The following SEC14L1 variants were observed in gnomAD, a reference collection of about 807,000 sequenced individuals.
SEC14L1 encodes the protein SEC14-like protein 1.
A neutral mutation model predicts 85.3 loss-of-function variants in SEC14L1; 48 were observed. The observed-to-expected ratio is 0.56, with a 90% CI of 0.45 to 0.72. The LOEUF is 0.72. SEC14L1 is among the 30% of genes least tolerant of loss of function. SEC14L1 has a pLI of 0.00. For missense variants in SEC14L1, 682 were observed against 921.4 expected, an observed-to-expected ratio of 0.74 and a Z score of 3.36; for synonymous variants, 391 against 355.5, an observed-to-expected ratio of 1.10 and a Z score of -1.12.
chr17:77,137,163 C>A (rs1972824471), upstream of SEC14L1, among the ~76,000 whole-genome samples: 2 of 152,162 alleles, frequency 1.3e-5, no homozygotes, highest in African/African-American at 4.8e-5. Flanking sequence ...CCTGCCTTGG[C>A]CTCCCAAAGT....
At chr17:77,126,983 A>G (rs1035213492) in intron 3 of SEC14L1, among the ~76,000 whole-genome samples, 1 of 149,194 alleles carries the variant, frequency 6.7e-6, no homozygotes, top group African/African-American at 2.5e-5. Context: ...CTTTTTTTTA[A>G]TTTTTATTTA....
At chr17:77,096,055 CTT>C (rs58863646) in intron 3 of SEC14L1, among the ~76,000 whole-genome samples, 41 of 124,182 alleles carry the variant, frequency 3.3e-4, no homozygotes, top group Admixed American at 5.1e-4. Context: ...TGCAGTCAGT[CTT>C]TTTTTTTTTT....
chr17:77,191,749 G>T (rs1191576552), intron 5 of SEC14L1, among the ~76,000 whole-genome samples: 1 of 151,284 alleles, frequency 6.6e-6, no homozygotes, highest in Non-Finnish European at 1.5e-5. Flanking sequence ...CACCGTGTTG[G>T]CCTGGCTGGT....
chr17:77,103,365 G>A (rs868727362), intron 3 of SEC14L1, among the ~76,000 whole-genome samples: 1 of 151,808 alleles, frequency 6.6e-6, no homozygotes, highest in African/African-American at 2.4e-5. Context: ...CACCTGCCTC[G>A]GCCTCCCAAA....
intron 9 of SEC14L1, 42 bp downstream of exon 9, chr17:77,200,715 A>G (rs1432283811): frequency 6.3e-7 from 1 of 1,575,192 alleles, no homozygotes; most frequent in Admixed American, 1.8e-5. Flanking sequence ...CGTTGTCTTG[A>G]TGTGTGGTTG....
At chr17:77,131,590 C>T (rs1972613169) in intron 3 of SEC14L1, among the ~76,000 whole-genome samples, 1 of 152,152 alleles carries the variant, frequency 6.6e-6, no homozygotes, top group South Asian at 2.1e-4. Context: ...TTTCTATACC[C>T]CAGTGCTCAC....
chr17:77,121,483 C>T (rs1252836052), intron 3 of SEC14L1, among the ~76,000 whole-genome samples: 10 of 152,164 alleles, frequency 6.6e-5, no homozygotes, highest in Admixed American at 6.5e-4. Flanking sequence ...CTCAGCCTCC[C>T]AAGTAGCTGG....
At chr17:77,133,085 C>T (rs1302165280) in intron 3 of SEC14L1, among the ~76,000 whole-genome samples, 1 of 152,186 alleles carries the variant, frequency 6.6e-6, no homozygotes. Context: ...GTTCTCCAGG[C>T]TGTTCTGGAA....
chr17:77,193,045 G>A (rs960542620), intron 5 of SEC14L1, among the ~76,000 whole-genome samples: 1 of 152,150 alleles, frequency 6.6e-6, no homozygotes, highest in Admixed American at 6.5e-5. Context: ...TGCATACTGT[G>A]TTTCTGGCTG....
At chr17:77,145,440 G>A (rs185930447) in intron 3 of SEC14L1, among the ~76,000 whole-genome samples, 30 of 152,236 alleles carry the variant, frequency 2.0e-4, no homozygotes, top group Non-Finnish European at 4.1e-4. Context: ...TCCCTTTCAG[G>A]TGTGAGGTTT....
chr17:77,097,573 A>AT (rs1971675680), intron 3 of SEC14L1, among the ~76,000 whole-genome samples: 1 of 145,966 alleles, frequency 6.9e-6, no homozygotes, highest in Non-Finnish European at 1.5e-5. Flanking sequence ...AAGAAAAAAA[A>AT]TTTAAAAAAA....
chr17:77,132,885 C>CA (rs1972656840), intron 3 of SEC14L1, among the ~76,000 whole-genome samples: 1 of 148,132 alleles, frequency 6.8e-6, no homozygotes, highest in Non-Finnish European at 1.5e-5. Context: ...TTTTTTGAGA[C>CA]AGAGTCTCAC....
At chr17:77,092,943 C>T (rs1745804129) in intron 2 of SEC14L1, among the ~76,000 whole-genome samples, 1 of 112,184 alleles carries the variant, frequency 8.9e-6, no homozygotes, top group Non-Finnish European at 1.8e-5. Context: ...AAGAGTGAAA[C>T]TCCGTCTCAA....
intron 3 of SEC14L1, among the ~76,000 whole-genome samples, chr17:77,189,529 A>G (rs759787018): frequency 2.0e-5 from 3 of 152,080 alleles, no homozygotes; most frequent in Non-Finnish European, 4.4e-5. Context: ...AGTTTTAAGA[A>G]TTTTTTATGT....
In SEC14L1 at chr17:77,216,492, A is replaced by G; in HGVS notation, c.*2469A>G. The G allele has an allele frequency of 3.1e-6, 5 of 1,612,684 alleles. No homozygotes were observed. Among genetic ancestry groups the G allele is most frequent in the Non-Finnish European group, 4.2e-6 (5 of 1,179,122 alleles). On this transcript the variant is annotated 3_prime_UTR_variant, in exon 17 of 17. Transcript: ENST00000436233. ...TTCCACCTGGTGCTTCCTGTTCCCA[A>G]ATCACAAGGGCCTGAAGGTGGTCCC...
intron 3 of SEC14L1, among the ~76,000 whole-genome samples, chr17:77,147,601 G>A (rs144025299): frequency 6.6e-6 from 1 of 152,174 alleles, no homozygotes; most frequent in East Asian, 1.9e-4. Context: ...TACACAGGTA[G>A]TGCCGAGATC....
intron 3 of SEC14L1, among the ~76,000 whole-genome samples, chr17:77,150,679 G>A (rs570714139): frequency 6.6e-6 from 1 of 152,298 alleles, no homozygotes; most frequent in East Asian, 1.9e-4. Flanking sequence ...ACGGGCAGCT[G>A]TGCCCATGTT....
intron 3 of SEC14L1, among the ~76,000 whole-genome samples, chr17:77,125,252 C>T (rs1306896235): frequency 6.6e-6 from 1 of 152,062 alleles, no homozygotes; most frequent in Non-Finnish European, 1.5e-5. Context: ...CCGCCTCGGC[C>T]TCCCAAAGTG....
intron 2 of SEC14L1, chr17:77,089,325 C>G (rs1971448737): frequency 2.0e-6 from 1 of 506,098 alleles, no homozygotes; most frequent in African/African-American, 1.9e-5. Context: ...GGGAAAGGCT[C>G]CTGTGTTGTT....
Sources: allele counts gnomAD v4.1 joint callset (sites outside exome capture counted in the v4.1 genomes callset), GRCh38; gene constraint gnomAD v4.1.1; transcripts MANE v1.5; gene names NCBI Gene and HGNC (gene_info 2026-07-23, HGNC 2026-07-21).